LARP1B: variants seen among roughly 807,000 people sequenced by gnomAD.
LARP1B encodes the protein La ribonucleoprotein 1B, also known as la-related protein 1B.
In LARP1B, 76 loss-of-function variants were observed where a neutral mutation model predicts 114.2. That is an observed-to-expected ratio of 0.67 (90% CI 0.55 to 0.81). The LOEUF (loss-of-function observed/expected upper bound fraction) is 0.81, where lower values mean the gene tolerates loss of function less well. LARP1B is among the 30% of genes least tolerant of loss of function. The pLI is 0.00. For missense variants in LARP1B, 1,014 were observed against 1,075.8 expected (o/e 0.94, Z 0.80); for synonymous variants, 345 against 348.0 (o/e 0.99, Z 0.10).
chr4:128,137,869 A>C (rs981938792), intron 11 of LARP1B, among the ~76,000 whole-genome samples: 1 of 150,986 alleles, frequency 6.6e-6, no homozygotes, highest in Non-Finnish European at 1.5e-5. Context: ...ATCTCAGCTC[A>C]CTGCAACCAC....
intron 11 of LARP1B, among the ~76,000 whole-genome samples, chr4:128,142,787 C>T (rs1437051366): frequency 1.3e-5 from 2 of 151,888 alleles, no homozygotes. Flanking sequence ...GGATTACAGG[C>T]GTGAGCCACT....
intron 9 of LARP1B, chr4:128,107,574 A>C: frequency 7.3e-7 from 1 of 1,372,886 alleles, no homozygotes; most frequent in Non-Finnish European, 9.5e-7. Flanking sequence ...TGGAGTTTCT[A>C]TCTTTTATTT....
intron 14 of LARP1B, 148 bp from the exon 15 acceptor site, chr4:128,179,258 T>C: frequency 2.2e-6 from 1 of 457,928 alleles, no homozygotes; most frequent in East Asian, 3.5e-5. Flanking sequence ...TGTGTGAGAT[T>C]TTTGAGTTTT....
At chr4:128,112,058 A>G (rs932004487) in intron 9 of LARP1B, among the ~76,000 whole-genome samples, 7 of 152,032 alleles carry the variant, frequency 4.6e-5, no homozygotes, top group Admixed American at 2.6e-4. Context: ...TCTGGAGTTA[A>G]TATTTTTCCC....
At position 128,167,970 on chromosome 4, in the gene LARP1B, C is replaced by G. The variant is rs115350894; in HGVS notation, c.1648+5653C>G. 3.0e-3 allele frequency among the ~76,000 whole-genome samples: 459 copies of G among 152,156 alleles called. 4 individuals carry two copies. The highest frequency in any genetic ancestry group is 0.011 in the African/African-American group (441 of 41,566). On this transcript the variant is annotated intron_variant, in intron 12 of 19. Coordinates refer to ENST00000326639, the MANE Select transcript of LARP1B (RefSeq NM_018078.4). ...TTTGTGTGTATTACCTTTTTATTGACAAGTAGTATTCCATTGCATGGATGT... is the reference window on the plus strand; with the variant it reads ...TTTGTGTGTATTACCTTTTTATTGAGAAGTAGTATTCCATTGCATGGATGT...
chr4:128,108,252 T>C (rs1782768589), intron 9 of LARP1B: 2 of 1,102,190 alleles, frequency 1.8e-6, no homozygotes, highest in Admixed American at 9.8e-5. Flanking sequence ...GTTTCCAGGG[T>C]TATGTACTTG....
At chr4:128,166,113 T>TC (rs1057498779) in intron 12 of LARP1B, among the ~76,000 whole-genome samples, 8 of 152,026 alleles carry the variant, frequency 5.3e-5, no homozygotes, top group African/African-American at 1.9e-4. Context: ...ATGTTAAATA[T>TC]CATATGTCCA....
chr4:128,106,739 A>G (rs541173774), intron 8 of LARP1B, among the ~76,000 whole-genome samples: 11 of 152,220 alleles, frequency 7.2e-5, no homozygotes, highest in Non-Finnish European at 1.6e-4. Context: ...TCATGAGTAC[A>G]TGTAGTACTT....
At chr4:128,165,215 G>T (rs1466594113) in intron 12 of LARP1B, among the ~76,000 whole-genome samples, 4 of 151,832 alleles carry the variant, frequency 2.6e-5, no homozygotes, top group Non-Finnish European at 4.4e-5. Context: ...TGGAATTTAT[G>T]TATGTATTGG....
chr4:128,065,327 C>T (rs1455747424), intron 1 of LARP1B, among the ~76,000 whole-genome samples: 13,487 of 110,998 alleles, frequency 0.12, 1,201 homozygotes, highest in Middle Eastern at 0.16. Context: ...CTCTCTCTCT[C>T]TCTCTTTCCT....
intron 8 of LARP1B, among the ~76,000 whole-genome samples, chr4:128,101,617 G>A (rs192144224): frequency 6.8e-6 from 1 of 147,008 alleles, no homozygotes; most frequent in East Asian, 2.0e-4. Context: ...ATTCATAGTA[G>A]AATGAGTTTA....
chr4:128,082,969 C>A (rs1040204493), intron 5 of LARP1B, among the ~76,000 whole-genome samples: 5 of 151,314 alleles, frequency 3.3e-5, no homozygotes, highest in African/African-American at 1.2e-4. Context: ...TGCGGCCTTC[C>A]GCAGTGTTTG....
intron 12 of LARP1B, among the ~76,000 whole-genome samples, chr4:128,166,958 C>A (rs1180735271): frequency 1.9e-4 from 22 of 113,648 alleles, no homozygotes; most frequent in Non-Finnish European, 3.3e-4. Flanking sequence ...CTCTCTCTCT[C>A]TCTCTCTCTC....
At chr4:128,163,510 T>A (rs1175766334) in intron 12 of LARP1B, among the ~76,000 whole-genome samples, 1 of 152,202 alleles carries the variant, frequency 6.6e-6, no homozygotes, top group Non-Finnish European at 1.5e-5. Flanking sequence ...ATTCTATTTT[T>A]AATCATTACG....
intron 1 of LARP1B, among the ~76,000 whole-genome samples, chr4:128,063,508 G>C (rs376285227): frequency 6.6e-6 from 1 of 150,900 alleles, no homozygotes; most frequent in Non-Finnish European, 1.5e-5. Context: ...GGCCGGGCGC[G>C]GTGGCTCACG....
chr4:128,210,195 T>A lies in LARP1B; in HGVS notation c.*142T>A. 6.9e-7 allele frequency: 1 copy of A among 1,457,242 alleles called. No homozygotes were observed. Among genetic ancestry groups the A allele is most frequent in the South Asian group, 1.5e-5 (1 of 65,594 alleles). The allele number at this position is 1,457,242 out of a possible 1,614,324, so 90.3% of individuals were successfully genotyped here. A position where few individuals can be genotyped will look rare whatever the true frequency, so the allele number is the denominator to read the frequency against. On this transcript the variant is annotated 3_prime_UTR_variant, in exon 20 of 20. Transcript: ENST00000326639. Reference sequence around the variant, plus strand: ...ATCTTCTGGTGTTTAATTGTGATAATAAGAAAGAAGAAAAAGAAAGAAAAG... The same window carrying A: ...ATCTTCTGGTGTTTAATTGTGATAAAAAGAAAGAAGAAAAAGAAAGAAAAG...
At chr4:128,166,930 TTCTCTCTC>T (rs56916317) in intron 12 of LARP1B, among the ~76,000 whole-genome samples, 12,311 of 102,756 alleles carry the variant, frequency 0.12, 885 homozygotes, top group East Asian at 0.15. Flanking sequence ...TTATATTCTA[TTCTCTCTC>T]TCTCTCTCTC....
At chr4:128,075,283 A>T (rs903205350) in intron 3 of LARP1B, among the ~76,000 whole-genome samples, 1 of 151,850 alleles carries the variant, frequency 6.6e-6, no homozygotes, top group African/African-American at 2.4e-5. Flanking sequence ...TGTATTTTTC[A>T]TAGAGACAGG....
chr4:128,168,768 GT>G (rs1163722111), intron 12 of LARP1B, among the ~76,000 whole-genome samples: 539 of 143,836 alleles, frequency 3.7e-3, no homozygotes, highest in African/African-American at 0.01. Flanking sequence ...GAGGAATATT[GT>G]TTTTTTTTTT....
Sources: allele counts gnomAD v4.1 joint callset (sites outside exome capture counted in the v4.1 genomes callset), GRCh38; gene constraint gnomAD v4.1.1; transcripts MANE v1.5; gene names NCBI Gene and HGNC (gene_info 2026-07-23, HGNC 2026-07-21).